USPL1: variants seen among roughly 807,000 people sequenced by gnomAD.
USPL1 encodes the protein SUMO-specific isopeptidase USPL1.
A neutral mutation model predicts 51.5 loss-of-function variants in USPL1; 27 were observed. The ratio of observed to expected loss-of-function variants is 0.52; its 90% CI spans 0.39 to 0.72. The LOEUF (loss-of-function observed/expected upper bound fraction) is 0.72. Among genes scored for constraint, USPL1 ranks in the 30% least tolerant of loss-of-function variants. The pLI is 0.00. For synonymous variants in USPL1, 451 were observed against 459.6 expected, an observed-to-expected ratio of 0.98 and a Z score of 0.24; for missense variants, 1,226 against 1,268.0, an observed-to-expected ratio of 0.97 and a Z score of 0.50.
chr13:30,657,954 T>C lies in USPL1; in HGVS notation c.1877T>C (p.Leu626Pro). 3 of 1,613,730 alleles carry C rather than the reference T, an allele frequency of 1.9e-6. No homozygotes were observed. The highest frequency in any genetic ancestry group is 2.7e-5 in the African/African-American group (2 of 75,060). The change falls in exon 9 of 9, where the codon CTA (leucine) becomes CCA (proline). Residue 626 changes from leucine (L) to proline (P), a missense_variant. By Grantham distance (98) the Leu-to-Pro change is moderately conservative. Transcript: ENST00000255304. ...GGAATTCTCAAAACCAATACTTTGC[T>C]ATCACAAGAATCACTAATGGCTTCT... Reference protein sequence around the residue: ...NTGILKTNTLLSQESLMASSV... With the variant: ...NTGILKTNTLPSQESLMASSV...
intron 6 of USPL1, among the ~76,000 whole-genome samples, chr13:30,644,971 G>A (rs1429716269): frequency 6.6e-6 from 1 of 152,006 alleles, no homozygotes; most frequent in African/African-American, 2.4e-5. Flanking sequence ...AAATTCTCTG[G>A]TTTTCTCCTC....
intron 3 of USPL1, among the ~76,000 whole-genome samples, chr13:30,627,079 T>C (rs973565192): frequency 6.6e-6 from 1 of 152,110 alleles, no homozygotes; most frequent in African/African-American, 2.4e-5. Flanking sequence ...CTTAAGCTGC[T>C]CCAAAACTCA....
chr13:30,649,568 T>C (rs992846286), intron 7 of USPL1, among the ~76,000 whole-genome samples: 5 of 152,224 alleles, frequency 3.3e-5, no homozygotes, highest in Admixed American at 2.0e-4. Context: ...TTAAGTTGTT[T>C]AGGAGTTACA....
chr13:30,654,440 C>G (rs1391141590), intron 8 of USPL1, among the ~76,000 whole-genome samples: 1 of 151,692 alleles, frequency 6.6e-6, no homozygotes, highest in African/African-American at 2.4e-5. Flanking sequence ...ACTATATTGC[C>G]CAGGCTGTTC....
chr13:30,656,609 G>A (rs904551290), intron 8 of USPL1, among the ~76,000 whole-genome samples: 6 of 152,186 alleles, frequency 3.9e-5, no homozygotes, highest in Non-Finnish European at 8.8e-5. Flanking sequence ...TGACTATTGT[G>A]AATAATGCTG....
At chr13:30,642,541 T>G in intron 5 of USPL1, 87 bp from the exon 6 acceptor site, 23 of 1,488,404 alleles carry the variant, frequency 1.5e-5, no homozygotes, top group Non-Finnish European at 2.0e-5. Context: ...GCTGTAAATA[T>G]AGTAAGAAAA....
chr13:30,653,589 C>T (rs1951120564), intron 8 of USPL1, among the ~76,000 whole-genome samples: 1 of 151,964 alleles, frequency 6.6e-6, no homozygotes, highest in South Asian at 2.1e-4. Context: ...ACTGTTAGCT[C>T]AGTTTTTTTT....
rs1950642542 is a variant in USPL1, at chr13:30,621,198, A to G, written c.58A>G (p.Ile20Val). The change falls in exon 2 of 9, where the codon ATA becomes GTA. Residue 20 changes from isoleucine (I) to valine (V), a missense_variant. Transcript: ENST00000255304. Reference sequence around the variant, plus strand: ...GCCAGTGATTGGACCAGGGACTGATATAGGGATATCTTCACTCCACATGGT... The same window carrying G: ...GCCAGTGATTGGACCAGGGACTGATGTAGGGATATCTTCACTCCACATGGT... ...GLPVIGPGTD[I>V]GISSLHMVGY... is the part of the protein sequence containing the mutation. 1.2e-6 allele frequency: 2 copies of G among 1,605,866 alleles called. No individual in the cohort carries two copies. The highest frequency in any genetic ancestry group is 1.7e-6 in the Non-Finnish European group (2 of 1,177,166).
At chr13:30,621,389 G>A in intron 2 of USPL1, 150 bp downstream of exon 2, 1 of 598,758 alleles carries the variant, frequency 1.7e-6, no homozygotes, top group Non-Finnish European at 2.8e-6. Context: ...TTGTTTTAAT[G>A]TGTTTACCTT....
chr13:30,624,156 T>G (rs1950679945), intron 3 of USPL1, among the ~76,000 whole-genome samples: 1 of 152,010 alleles, frequency 6.6e-6, no homozygotes, highest in Admixed American at 6.5e-5. Flanking sequence ...GTAGATAACA[T>G]CCAAATGGAA....
chr13:30,623,013 C>T (rs1950664428), intron 3 of USPL1, among the ~76,000 whole-genome samples: 1 of 151,980 alleles, frequency 6.6e-6, no homozygotes, highest in Admixed American at 6.6e-5. Flanking sequence ...GTGGGAAAGA[C>T]AGTGAACAAG....
intron 5 of USPL1, 47 bp downstream of exon 5, chr13:30,637,904 A>G (rs750048436): frequency 2.8e-5 from 37 of 1,306,382 alleles, no homozygotes; most frequent in Non-Finnish European, 3.7e-5. Context: ...TCTACCATAT[A>G]GAAATATGTA....
chr13:30,636,888 A>C (rs965604914), intron 4 of USPL1, among the ~76,000 whole-genome samples: 4 of 152,126 alleles, frequency 2.6e-5, no homozygotes, highest in Admixed American at 6.5e-5. Flanking sequence ...AAACACACAC[A>C]CAAGTGCTAT....
At chr13:30,646,572 A>T (rs982799732) in intron 6 of USPL1, among the ~76,000 whole-genome samples, 2 of 152,220 alleles carry the variant, frequency 1.3e-5, no homozygotes, top group Admixed American at 1.3e-4. Flanking sequence ...ATCTACAGAC[A>T]ACTGGATGCC....
intron 8 of USPL1, 57 bp downstream of exon 8, chr13:30,653,362 T>C (rs1178989540): frequency 1.6e-5 from 23 of 1,452,370 alleles, no homozygotes; most frequent in East Asian, 2.4e-5. Flanking sequence ...AATTCTAGCA[T>C]GTGGGGACTT....
intron 1 of USPL1, among the ~76,000 whole-genome samples, chr13:30,620,163 C>T (rs1048381648): frequency 4.6e-5 from 7 of 152,086 alleles, no homozygotes; most frequent in South Asian, 2.1e-4. Flanking sequence ...ACCAGAATAG[C>T]GTAATTAGAT....
At chr13:30,627,090 G>C (rs1950726749) in intron 3 of USPL1, among the ~76,000 whole-genome samples, 1 of 151,928 alleles carries the variant, frequency 6.6e-6, no homozygotes, top group African/African-American at 2.4e-5. Flanking sequence ...CCAAAACTCA[G>C]TGAAAGAGAC....
At chr13:30,622,702 A>G (rs546125047) in intron 3 of USPL1, among the ~76,000 whole-genome samples, 7 of 152,310 alleles carry the variant, frequency 4.6e-5, no homozygotes, top group African/African-American at 1.7e-4. Flanking sequence ...TCACCCCCAG[A>G]TGCTGATTCA....
Position 30,621,222 on chromosome 13 carries a change from G to T in USPL1, c.82G>T (p.Val28Leu). The T allele has an allele frequency of 6.3e-7, 1 of 1,591,850 alleles. No homozygotes were observed. Among genetic ancestry groups the T allele is most frequent in the Non-Finnish European group, 8.5e-7 (1 of 1,172,422 alleles). Residue 28 changes from valine to leucine, a missense_variant, in exon 2 of 9, where the codon GTG (valine) becomes TTG (leucine). Transcript: ENST00000255304. Reference protein sequence around the residue: ...TDIGISSLHMVGYLGKNFDSA... With the variant: ...TDIGISSLHMLGYLGKNFDSA... ...TATAGGGATATCTTCACTCCACATG[G>T]TGGGGTATTTGGGAAAAGTTAGTGA... is the stretch of plus-strand genomic sequence containing the variant.
Sources: allele counts gnomAD v4.1 joint callset (sites outside exome capture counted in the v4.1 genomes callset), GRCh38; gene constraint gnomAD v4.1.1; transcripts MANE v1.5; gene names NCBI Gene and HGNC (gene_info 2026-07-23, HGNC 2026-07-21).